The following RFX4 variants were observed in gnomAD, a reference collection of about 807,000 sequenced individuals.
The protein encoded by RFX4 is regulatory factor X4.
In RFX4, 10 loss-of-function variants were observed where a neutral mutation model predicts 95.0. The ratio of observed to expected loss-of-function variants is 0.11; its 90% CI spans 0.06 to 0.18. The LOEUF (loss-of-function observed/expected upper bound fraction) is 0.18, where lower values mean the gene tolerates loss of function less well. RFX4 is among the 10% of genes least tolerant of loss of function. The pLI, the probability that RFX4 is intolerant of heterozygous loss-of-function variation, is 1.00. For synonymous variants in RFX4, 321 were observed against 340.7 expected (o/e 0.94, Z 0.64); for missense variants, 640 against 922.0 (o/e 0.69, Z 3.96).
At chr12:106,699,169 G>A (rs1217712946) in intron 8 of RFX4, among the ~76,000 whole-genome samples, 1 of 151,862 alleles carries the variant, frequency 6.6e-6, no homozygotes, top group Non-Finnish European at 1.5e-5. Context: ...TTGATCTATG[G>A]GGTATTTAGA....
chr12:106,653,396 C>T (rs978632699), intron 3 of RFX4, among the ~76,000 whole-genome samples: 9 of 152,270 alleles, frequency 5.9e-5, no homozygotes, highest in East Asian at 3.9e-4. Flanking sequence ...AGGCACCATG[C>T]GGATGCTTGT....
rs145981231 is a variant in RFX4, at chr12:106,612,772, A to T, written c.130+3889A>T. On this transcript the variant is annotated intron_variant, in intron 2 of 17. Transcript: ENST00000392842. ...AGCATAGCTTGAATCTGGGAGGCAGAGGGTGCAGTGAGCCAAGATTGCACC... is the reference window on the plus strand; with the variant it reads ...AGCATAGCTTGAATCTGGGAGGCAGTGGGTGCAGTGAGCCAAGATTGCACC... Among the ~76,000 whole-genome samples, 50 of 151,978 alleles carry T rather than the reference A, an allele frequency of 3.3e-4. 1 individual carries two copies. Among genetic ancestry groups the T allele is most frequent in the African/African-American group, 1.1e-3 (45 of 41,444 alleles).
chr12:106,608,740 C>A, intron 1 of RFX4, 57 bp from the exon 2 acceptor site: 1 of 1,481,690 alleles, frequency 6.7e-7, no homozygotes, highest in South Asian at 1.3e-5. Flanking sequence ...CACAGCAATT[C>A]TGTGATTTTC....
intron 4 of RFX4, among the ~76,000 whole-genome samples, chr12:106,679,944 A>C (rs909900256): frequency 3.9e-5 from 6 of 152,094 alleles, no homozygotes; most frequent in African/African-American, 1.4e-4. Flanking sequence ...ACTGCCTTTT[A>C]CTCAGGTCAC....
chr12:106,714,068 CAAAAAAAAAAAA>C (rs58283896), intron 10 of RFX4, among the ~76,000 whole-genome samples: 3 of 30,524 alleles, frequency 9.8e-5, no homozygotes, highest in Admixed American at 4.1e-4. Flanking sequence ...AACTCCATCT[CAAAAAAAAAAAA>C]AAAAAAAAAA....
In RFX4 at chr12:106,762,738, A is replaced by G. The variant is rs1257898946; in HGVS notation, c.*1269A>G. On this transcript the variant is annotated 3_prime_UTR_variant, in exon 18 of 18. Coordinates refer to ENST00000392842, the MANE Select transcript of RFX4 (RefSeq NM_213594.3). ...TTGTGTCTACAGCTAAAATGGAAAT[A>G]GTTTTATCTGTACAGTTGTGCAAGA... The G allele has an allele frequency of 1.3e-5, 2 of 151,406 alleles. No individual in the cohort carries two copies. The highest frequency in any genetic ancestry group is 2.9e-5 in the Non-Finnish European group (2 of 67,936). 9.4% of individuals were successfully genotyped at this position (151,406 alleles called of 1,614,324 possible). A position where few individuals can be genotyped will look rare whatever the true frequency, so the allele number is the denominator to read the frequency against.
intron 15 of RFX4, among the ~76,000 whole-genome samples, chr12:106,736,193 G>A (rs915273857): frequency 1.1e-4 from 16 of 152,164 alleles, no homozygotes; most frequent in African/African-American, 3.6e-4. Context: ...AGTACTGCTA[G>A]GGTATTCAGT....
intron 4 of RFX4, among the ~76,000 whole-genome samples, chr12:106,662,499 C>A (rs1253012862): frequency 6.6e-6 from 1 of 152,120 alleles, no homozygotes; most frequent in Non-Finnish European, 1.5e-5. Flanking sequence ...TATTTTCTCC[C>A]AGCCTGTGGC....
chr12:106,604,552 A>G (rs952837086), intron 1 of RFX4, among the ~76,000 whole-genome samples: 6 of 152,114 alleles, frequency 3.9e-5, no homozygotes, highest in Admixed American at 1.3e-4. Context: ...GTTAAAAAAA[A>G]AAAAGAAAAT....
chr12:106,734,019 C>T (rs2042662157), intron 15 of RFX4, among the ~76,000 whole-genome samples: 1 of 152,180 alleles, frequency 6.6e-6, no homozygotes, highest in Admixed American at 6.5e-5. Flanking sequence ...CTGACTCATG[C>T]TACAACTCTG....
intron 13 of RFX4, among the ~76,000 whole-genome samples, chr12:106,722,997 C>T (rs1019086467): frequency 4.6e-5 from 7 of 152,270 alleles, no homozygotes; most frequent in South Asian, 2.1e-4. Flanking sequence ...TGGTCCTTGT[C>T]GCTGTGAATG....
Position 106,761,295 on chromosome 12 carries a change from G to A in RFX4, c.2034G>A (p.Val678=), listed in dbSNP as rs112421519. Residue 678 remains valine (V), a synonymous_variant, in exon 18 of 18, where the codon GTG becomes GTA. Coordinates refer to ENST00000392842, the MANE Select transcript of RFX4 (RefSeq NM_213594.3). ...CAGTCACTCCCCGCTGGCCAGAGGT[G>A]CCCTCAGCCAACACGTGCTACACAA... is the stretch of plus-strand genomic sequence containing the variant. ...PTPVTPRWPE[V]PSANTCYTSP... is the part of the protein sequence containing the mutation. 1.9e-6 allele frequency: 3 copies of A among 1,613,936 alleles called. No individual in the cohort carries two copies. The highest frequency in any genetic ancestry group is 1.3e-5 in the African/African-American group (1 of 74,882).
At position 106,681,966 on chromosome 12, in the gene RFX4, G is replaced by A. The variant is rs371836622; in HGVS notation, c.316-27G>A. 4 of 1,613,422 alleles carry A rather than the reference G, an allele frequency of 2.5e-6. No individual in the cohort carries two copies. In the African/African-American group the frequency reaches 5.3e-5, roughly 22 times the overall value. On this transcript the variant is annotated intron_variant, in intron 4 of 17. Transcript: ENST00000392842. ...CTATGCTCCCAACTCTTCCCAATGG[G>A]TAACTGATTCTTGTGTTGACTTACA...
intron 15 of RFX4, among the ~76,000 whole-genome samples, chr12:106,745,429 C>T (rs926321166): frequency 1.3e-5 from 2 of 152,176 alleles, no homozygotes; most frequent in African/African-American, 4.8e-5. Flanking sequence ...TATGAAAGGG[C>T]TCACCAAAGG....
At position 106,720,096 on chromosome 12, in the gene RFX4, GC is replaced by G; in HGVS notation, c.1233+45del. The G allele has an allele frequency of 6.7e-7, 1 of 1,490,784 alleles. No homozygotes were observed. Among genetic ancestry groups the G allele is most frequent in the Non-Finnish European group, 9.4e-7 (1 of 1,068,744 alleles). 92.3% of individuals were successfully genotyped at this position (1,490,784 alleles called of 1,614,324 possible). A position where few individuals can be genotyped will look rare whatever the true frequency, so the allele number is the denominator to read the frequency against. On this transcript the variant is annotated intron_variant, in intron 12 of 17. Transcript: ENST00000392842. This position sits in a 1 kb window ranked among gnomAD's most constrained non-coding sequence, Gnocchi z 4.2. ...CTAGCGGGCAGCCTTGGGCCCTGCA[GC>G]CCACCACTGCCCTCTGTGAACTTGG...
intron 15 of RFX4, among the ~76,000 whole-genome samples, chr12:106,744,845 C>A (rs2042864297): frequency 6.6e-6 from 1 of 152,114 alleles, no homozygotes; most frequent in Non-Finnish European, 1.5e-5. Context: ...TTGTGTGATG[C>A]CATTAGCCTG....
chr12:106,730,311 C>T (rs2042586874), intron 13 of RFX4, among the ~76,000 whole-genome samples: 1 of 152,202 alleles, frequency 6.6e-6, no homozygotes, highest in Non-Finnish European at 1.5e-5. Context: ...TACCTTATGT[C>T]TGAGACTTGG....
intron 2 of RFX4, among the ~76,000 whole-genome samples, chr12:106,629,828 G>A (rs982432023): frequency 7.9e-5 from 12 of 152,004 alleles, no homozygotes; most frequent in Admixed American, 7.2e-4. Flanking sequence ...ATGACCCTCC[G>A]GCCTCAGCCT....
At chr12:106,624,781 G>C (rs1361592284) in intron 2 of RFX4, among the ~76,000 whole-genome samples, 1 of 152,142 alleles carries the variant, frequency 6.6e-6, no homozygotes, top group Admixed American at 6.6e-5. Flanking sequence ...AAAAATCATG[G>C]TTTACCTCTT....
Sources: gnomAD v4.1 joint callset for allele counts (sites outside exome capture counted in the v4.1 genomes callset) on GRCh38, gnomAD v4.1.1 for gene constraint, Gnocchi (gnomAD v3.1) non-coding constraint, MANE v1.5 for transcripts, NCBI Gene and HGNC (gene_info 2026-07-23, HGNC 2026-07-21) for gene names.